Variants in FGF1 observed in about 807,000 individuals in gnomAD.
The protein encoded by FGF1 is beta-endothelial cell growth factor.
FGF1 carries 9 observed loss-of-function variants against 13.4 expected under a neutral mutation model. That is an observed-to-expected ratio of 0.67 (90% CI 0.40 to 1.17). The LOEUF is 1.17. Ranked by LOEUF, FGF1 falls within the 50% of genes most tolerant of loss-of-function variation. The pLI, the probability that FGF1 is intolerant of heterozygous loss-of-function variation, is 0.01. For synonymous variants in FGF1, 93 were observed against 79.0 expected (o/e 1.18, Z -0.94); for missense variants, 156 against 192.7 (o/e 0.81, Z 1.13).
chr5:142,685,593 C>T (rs180934722), intron 1 of FGF1: 1 of 152,220 alleles, frequency 6.6e-6, no homozygotes, highest in African/African-American at 2.4e-5. Context: ...CCCTCCAGCC[C>T]TGATTCAGGG....
chr5:142,602,359 T>C (rs1236256382), intron 2 of FGF1, among the ~76,000 whole-genome samples: 1 of 152,036 alleles, frequency 6.6e-6, no homozygotes, highest in Non-Finnish European at 1.5e-5. Flanking sequence ...GTATTTTTAG[T>C]AGAGATGGGG....
At chr5:142,650,516 C>A (rs1767031316) in intron 1 of FGF1, among the ~76,000 whole-genome samples, 1 of 152,160 alleles carries the variant, frequency 6.6e-6, no homozygotes, top group Non-Finnish European at 1.5e-5. Context: ...TTAAGAAGAT[C>A]AAATGATTTA....
At chr5:142,596,632 C>T (rs940276297) in intron 3 of FGF1, among the ~76,000 whole-genome samples, 1 of 151,762 alleles carries the variant, frequency 6.6e-6, no homozygotes, top group African/African-American at 2.4e-5. Flanking sequence ...GTCCTCCTAG[C>T]TACTTAGGAG....
chr5:142,665,668 T>C (rs972536032), intron 1 of FGF1, among the ~76,000 whole-genome samples: 8 of 152,204 alleles, frequency 5.3e-5, no homozygotes, highest in Admixed American at 3.9e-4. Context: ...TGTCTACCAA[T>C]AAAGCTTCAT....
At chr5:142,689,055 T>C (rs1458371411), upstream of FGF1, among the ~76,000 whole-genome samples, 3 of 152,040 alleles carry the variant, frequency 2.0e-5, no homozygotes, top group Admixed American at 6.6e-5. Flanking sequence ...AATATATACA[T>C]TTTTTTTCTC....
chr5:142,649,716 G>A (rs1179385097), intron 1 of FGF1, among the ~76,000 whole-genome samples: 1 of 152,026 alleles, frequency 6.6e-6, no homozygotes, highest in African/African-American at 2.4e-5. Flanking sequence ...CGGACATTTT[G>A]TTTTTAATTT....
rs1430289422 is a variant in FGF1, at chr5:142,606,212, C to CTGTGTGTGTGTGTG, written c.170-5408_170-5407insCACACACACACACA. Among the ~76,000 whole-genome samples, 202 of 60,074 alleles carry CTGTGTGTGTGTGTG rather than the reference C, an allele frequency of 3.4e-3. 1 individual carries two copies. Among genetic ancestry groups the CTGTGTGTGTGTGTG allele is most frequent in the African/African-American group, 0.017 (189 of 11,058 alleles). 39.4% of individuals were successfully genotyped at this position (60,074 alleles called of 152,430 possible). On this transcript the variant is annotated intron_variant, in intron 2 of 3. Transcript: ENST00000337706. ...AAGCACAAAATCTGCAACATTCTTT[C>CTGTGTGTGTGTGTG]TCTCTCTGTGTGTGTGTGTGTGTGT... is the stretch of plus-strand genomic sequence containing the variant.
chr5:142,644,313 C>T (rs1765661690), intron 1 of FGF1: 1 of 152,254 alleles, frequency 6.6e-6, no homozygotes, highest in Non-Finnish European at 1.5e-5. Context: ...ACAGCCTTCT[C>T]CTCCACACCT....
chr5:142,657,124 C>T (rs1768309726), intron 1 of FGF1, among the ~76,000 whole-genome samples: 1 of 152,074 alleles, frequency 6.6e-6, no homozygotes, highest in Admixed American at 6.5e-5. Flanking sequence ...ACCATATTGG[C>T]CAGGCTGGTC....
At chr5:142,609,220 TTGATTTA>T (rs1228774903) in intron 2 of FGF1, among the ~76,000 whole-genome samples, 1 of 152,162 alleles carries the variant, frequency 6.6e-6, no homozygotes, top group African/African-American at 2.4e-5. Context: ...AGGATGTGGC[TTGATTTA>T]TAAATATTTG....
Position 142,633,341 on chromosome 5 carries a change from C to T in FGF1, c.-34-19180G>A, listed in dbSNP as rs567575989. Among the ~76,000 whole-genome samples the T allele has an allele frequency of 9.5e-4, 145 of 152,256 alleles. 2 individuals carry two copies. Among genetic ancestry groups the T allele is most frequent in the Non-Finnish European group, 1.9e-3 (126 of 68,018 alleles). On this transcript the variant is annotated intron_variant, in intron 1 of 3. Coordinates refer to ENST00000337706, the MANE Select transcript of FGF1 (RefSeq NM_000800.5). Reference sequence around the variant, plus strand: ...ATTAAGGCTTTTACTCAGACATTTCCGAATGTGTGTACCTTTTACAGGCTT... The same window carrying T: ...ATTAAGGCTTTTACTCAGACATTTCTGAATGTGTGTACCTTTTACAGGCTT...
In FGF1 at chr5:142,625,893, C is replaced by CT. The variant is rs756426492; in HGVS notation, c.-34-11733dup. Among the ~76,000 whole-genome samples the CT allele has an allele frequency of 1.2e-4, 18 of 152,240 alleles. No individual in the cohort carries two copies. In the East Asian group the frequency reaches 1.7e-3, roughly 15 times the overall value. ...TAGGAAGATGGTCTGTTGGCTGCATCTTTTTTTTCTTTCCCCTTGACCTAG... is the reference window on the plus strand; with the variant it reads ...TAGGAAGATGGTCTGTTGGCTGCATCTTTTTTTTTCTTTCCCCTTGACCTAG... On this transcript the variant is annotated intron_variant, in intron 1 of 3. Transcript: ENST00000337706.
At position 142,595,224 on chromosome 5, in the gene FGF1, T is replaced by C. The variant is rs960669774; in HGVS notation, c.*66A>G. 24 of 1,388,932 alleles carry C rather than the reference T, an allele frequency of 1.7e-5. No individual in the cohort carries two copies. The highest frequency in any genetic ancestry group is 2.9e-5 in the African/African-American group (2 of 69,452). The allele number at this position is 1,388,932 out of a possible 1,614,324, so 86.0% of individuals were successfully genotyped here. On this transcript the variant is annotated 3_prime_UTR_variant, in exon 4 of 4. Coordinates refer to ENST00000337706, the MANE Select transcript of FGF1 (RefSeq NM_000800.5). Reference sequence around the variant, plus strand: ...GCAGCCAATGGTCAAGGGAACATTTTTGGGTCAACCAGGTGAGGACCCCTC... The same window carrying C: ...GCAGCCAATGGTCAAGGGAACATTTCTGGGTCAACCAGGTGAGGACCCCTC...
chr5:142,632,007 C>G (rs562836780), intron 1 of FGF1, among the ~76,000 whole-genome samples: 4 of 152,098 alleles, frequency 2.6e-5, no homozygotes, highest in Non-Finnish European at 5.9e-5. Context: ...TCTTGAACTC[C>G]TGACCTCAGG....
At chr5:142,610,426 C>T (rs1276121847) in intron 2 of FGF1, among the ~76,000 whole-genome samples, 1 of 152,116 alleles carries the variant, frequency 6.6e-6, no homozygotes, top group Admixed American at 6.6e-5. Context: ...AATTATAACC[C>T]TGAGGACAGC....
chr5:142,644,611 C>A (rs1234617266), intron 1 of FGF1, among the ~76,000 whole-genome samples: 1 of 152,174 alleles, frequency 6.6e-6, no homozygotes, highest in Non-Finnish European at 1.5e-5. Context: ...ATCCTTCATA[C>A]CTACCTTAGT....
chr5:142,681,280 T>C (rs934521543), intron 1 of FGF1, among the ~76,000 whole-genome samples: 3 of 152,260 alleles, frequency 2.0e-5, no homozygotes, highest in African/African-American at 7.2e-5. Flanking sequence ...CTCAGATACT[T>C]ACCCAATCTT....
intron 1 of FGF1, among the ~76,000 whole-genome samples, chr5:142,630,090 C>T (rs756531602): frequency 6.6e-6 from 1 of 151,956 alleles, no homozygotes; most frequent in East Asian, 1.9e-4. Flanking sequence ...GACGGGGTCT[C>T]ACCATGTTAG....
At chr5:142,646,324 G>A (rs987666798) in intron 1 of FGF1, among the ~76,000 whole-genome samples, 1 of 147,220 alleles carries the variant, frequency 6.8e-6, no homozygotes, top group African/African-American at 2.5e-5. Context: ...CTCCGAAGTA[G>A]CTGGGATTAC....
Sources: gnomAD v4.1 joint callset for allele counts (sites outside exome capture counted in the v4.1 genomes callset) on GRCh38, gnomAD v4.1.1 for gene constraint, MANE v1.5 for transcripts, NCBI Gene and HGNC (gene_info 2026-07-23, HGNC 2026-07-21) for gene names.